The following RIT2 variants were observed in gnomAD, a reference collection of about 807,000 sequenced individuals.
RIT2 encodes Ras like without CAAX 2.
A neutral mutation model predicts 23.7 loss-of-function variants in RIT2; 24 were observed. That is an observed-to-expected ratio of 1.01 (90% CI 0.73 to 1.43). The LOEUF (loss-of-function observed/expected upper bound fraction) is 1.43, where lower values mean the gene tolerates loss of function less well. Among genes scored for constraint, RIT2 ranks in the 40% most tolerant of loss-of-function variants. The probability of loss-of-function intolerance (pLI) is 0.00; values close to 1 mark genes in which losing one functional copy is unlikely to be tolerated. For synonymous variants in RIT2, 107 were observed against 91.1 expected, an observed-to-expected ratio of 1.17 and a Z score of -0.99; for missense variants, 236 against 266.9, an observed-to-expected ratio of 0.88 and a Z score of 0.81.
chr18:42,960,761 G>A (rs915901481), intron 3 of RIT2, among the ~76,000 whole-genome samples: 2 of 152,130 alleles, frequency 1.3e-5, no homozygotes, highest in East Asian at 1.9e-4. Context: ...CATAAACACA[G>A]CAAGATTATA....
At chr18:43,005,333 T>C (rs559636564) in intron 2 of RIT2, among the ~76,000 whole-genome samples, 1 of 151,974 alleles carries the variant, frequency 6.6e-6, no homozygotes, top group African/African-American at 2.4e-5. Context: ...TTTCTACTTC[T>C]ACATATACAA....
chr18:42,928,838 A>G lies in RIT2; in HGVS notation c.235-5075T>C, dbSNP rs549210029. Among the ~76,000 whole-genome samples, 9 of 151,816 alleles carry G rather than the reference A, an allele frequency of 5.9e-5. No individual in the cohort carries two copies. The South Asian group carries it at 1.9e-3, about 32-fold the overall frequency. On this transcript the variant is annotated intron_variant, in intron 3 of 4. Transcript: ENST00000326695. Reference sequence around the variant, plus strand: ...AAATATAATTAACAAATACCATTTTACAGTTTTCAGAGAAGATAATCTATC... The same window carrying G: ...AAATATAATTAACAAATACCATTTTGCAGTTTTCAGAGAAGATAATCTATC...
At chr18:42,923,884 TC>T in intron 3 of RIT2, 121 bp from the exon 4 acceptor site, 1 of 775,824 alleles carries the variant, frequency 1.3e-6, no homozygotes, top group Non-Finnish European at 1.9e-6. Flanking sequence ...TGATATTTAA[TC>T]ATAGGAGATT....
chr18:42,895,747 T>C (rs1908311458), intron 4 of RIT2, among the ~76,000 whole-genome samples: 1 of 152,158 alleles, frequency 6.6e-6, no homozygotes, highest in Non-Finnish European at 1.5e-5. Flanking sequence ...TTGCATAGAG[T>C]GCAAAATCTG....
chr18:42,885,777 T>C (rs545682762), intron 4 of RIT2, among the ~76,000 whole-genome samples: 91 of 152,286 alleles, frequency 6.0e-4, no homozygotes, highest in Middle Eastern at 3.4e-3. Flanking sequence ...CAAGACATTT[T>C]TGAAAGGTTT....
intron 4 of RIT2, among the ~76,000 whole-genome samples, chr18:42,759,777 ATAT>A (rs1913257771): frequency 1.3e-5 from 2 of 150,112 alleles, no homozygotes; most frequent in African/African-American, 4.9e-5. Flanking sequence ...ATATATATAT[ATAT>A]AAATTTTTTT....
chr18:42,934,579 A>C (rs1164068352), intron 3 of RIT2, among the ~76,000 whole-genome samples: 1 of 152,152 alleles, frequency 6.6e-6, no homozygotes, highest in Non-Finnish European at 1.5e-5. Context: ...TCAAATTGTT[A>C]GTAAGTTGTA....
chr18:43,047,654 G>A (rs1912280012), intron 1 of RIT2, among the ~76,000 whole-genome samples: 1 of 152,040 alleles, frequency 6.6e-6, no homozygotes, highest in Non-Finnish European at 1.5e-5. Context: ...GTCTACAAAT[G>A]AGAAGAGTAA....
intron 4 of RIT2, among the ~76,000 whole-genome samples, chr18:42,825,435 A>C (rs1262743911): frequency 1.3e-5 from 2 of 151,808 alleles, no homozygotes; most frequent in Non-Finnish European, 3.0e-5. Context: ...AGGACCTATA[A>C]AAATTTTTCT....
At chr18:42,861,969 C>T (rs1298975979) in intron 4 of RIT2, among the ~76,000 whole-genome samples, 3 of 152,164 alleles carry the variant, frequency 2.0e-5, no homozygotes, top group Non-Finnish European at 2.9e-5. Flanking sequence ...AATCCTAATC[C>T]TACCTTCTAT....
At chr18:43,045,485 G>A (rs8098915) in intron 1 of RIT2, among the ~76,000 whole-genome samples, 2 of 151,992 alleles carry the variant, frequency 1.3e-5, no homozygotes, top group African/African-American at 4.8e-5. Context: ...CGTATACCCG[G>A]GGCTGAAGGT....
rs181973616 is a variant in RIT2 at position 42,840,724 on chromosome 18, C to A, written c.426+82848G>T. The stretch of plus-strand genomic sequence containing the variant: ...CCGTGTTGGTCAGGCTGGTCTCGAA[C>A]TTTCAACCTCAGGTGATCCACCCGC... On this transcript the variant is annotated intron_variant, in intron 4 of 4. Transcript: ENST00000326695. 7.2e-5 allele frequency among the ~76,000 whole-genome samples: 11 copies of A among 152,324 alleles called. No homozygotes were observed. In the East Asian group the frequency reaches 1.9e-3, roughly 27 times the overall value.
At chr18:42,915,894 A>G (rs1356740723) in intron 4 of RIT2, among the ~76,000 whole-genome samples, 1 of 151,784 alleles carries the variant, frequency 6.6e-6, no homozygotes, top group African/African-American at 2.4e-5. Flanking sequence ...CATATATAGT[A>G]TATATACACA....
chr18:42,974,189 A>G (rs1259303121), intron 2 of RIT2, 42 bp from the exon 3 acceptor site: 7 of 1,342,170 alleles, frequency 5.2e-6, no homozygotes, highest in African/African-American at 1.5e-5. Context: ...ATGTGACAGG[A>G]AAGGCATTAT....
chr18:42,879,529 T>C (rs1907833294), intron 4 of RIT2, among the ~76,000 whole-genome samples: 1 of 139,754 alleles, frequency 7.2e-6, no homozygotes, highest in Non-Finnish European at 1.7e-5. Context: ...TGACTTCTTT[T>C]TTGTTTTATT....
At chr18:42,756,433 C>T (rs527777275) in intron 4 of RIT2, among the ~76,000 whole-genome samples, 3 of 152,214 alleles carry the variant, frequency 2.0e-5, no homozygotes, top group South Asian at 4.2e-4. Flanking sequence ...CTTTTCATCC[C>T]AGAAGCTCTG....
At chr18:42,952,746 C>A (rs895509053) in intron 3 of RIT2, among the ~76,000 whole-genome samples, 5 of 151,894 alleles carry the variant, frequency 3.3e-5, no homozygotes, top group Admixed American at 3.3e-4. Context: ...AAATATACTA[C>A]ATACATACAC....
At chr18:43,092,825 T>C (rs903660700) in intron 1 of RIT2, among the ~76,000 whole-genome samples, 4 of 152,038 alleles carry the variant, frequency 2.6e-5, no homozygotes, top group African/African-American at 9.7e-5. Context: ...GGCTGAAACG[T>C]AGGTTCTATA....
intron 1 of RIT2, among the ~76,000 whole-genome samples, chr18:43,060,043 C>T (rs1036585984): frequency 6.6e-6 from 1 of 152,070 alleles, no homozygotes; most frequent in African/African-American, 2.4e-5. Flanking sequence ...CGTTTGTGAA[C>T]TGAAGTTCAT....
Sources: gnomAD v4.1 joint callset for allele counts (sites outside exome capture counted in the v4.1 genomes callset) on GRCh38, gnomAD v4.1.1 for gene constraint, MANE v1.5 for transcripts, NCBI Gene and HGNC (gene_info 2026-07-23, HGNC 2026-07-21) for gene names.